NAALADL2: variants seen among roughly 807,000 people sequenced by gnomAD.
NAALADL2 encodes the protein inactive N-acetylated-alpha-linked acidic dipeptidase-like protein 2.
Under a neutral mutation model 87.2 loss-of-function variants are expected in NAALADL2, and 76 were observed. That is an observed-to-expected ratio of 0.87 (90% CI 0.72 to 1.05). NAALADL2 has a LOEUF of 1.05. Ranked by LOEUF, NAALADL2 falls within the 50% of genes least tolerant of loss-of-function variation. The probability of loss-of-function intolerance (pLI) is 0.00; values close to 1 mark genes in which losing one functional copy is unlikely to be tolerated. For missense variants in NAALADL2, 1,089 were observed against 945.8 expected (o/e 1.15, Z -1.99); for synonymous variants, 354 against 331.0 (o/e 1.07, Z -0.75).
intron 11 of NAALADL2, among the ~76,000 whole-genome samples, chr3:175,733,154 C>T (rs182678574): frequency 5.9e-5 from 9 of 152,218 alleles, no homozygotes; most frequent in East Asian, 1.9e-4. Flanking sequence ...ATATTTTTTA[C>T]GACTTGAATT....
chr3:175,163,350 G>T (rs1247248940), intron 2 of NAALADL2, among the ~76,000 whole-genome samples: 1 of 152,002 alleles, frequency 6.6e-6, no homozygotes, highest in African/African-American at 2.4e-5. Flanking sequence ...ATGATGAATG[G>T]AACATGATTA....
At chr3:174,631,606 GGACAA>G (rs1722122552) in intron 2 of NAALADL2, among the ~76,000 whole-genome samples, 1 of 152,106 alleles carries the variant, frequency 6.6e-6, no homozygotes, top group African/African-American at 2.4e-5. Flanking sequence ...TTTTCCAAAT[GGACAA>G]GACAAGAAAT....
At chr3:175,690,537 G>C (rs1222549354) in intron 11 of NAALADL2, among the ~76,000 whole-genome samples, 1 of 151,954 alleles carries the variant, frequency 6.6e-6, no homozygotes, top group Non-Finnish European at 1.5e-5. Context: ...TTATGATAGG[G>C]TCTAAGAGAC....
At chr3:175,371,579 C>G (rs1766508910) in intron 5 of NAALADL2, among the ~76,000 whole-genome samples, 1 of 152,074 alleles carries the variant, frequency 6.6e-6, no homozygotes, top group South Asian at 2.1e-4. Context: ...AATCCCAGCT[C>G]TTTGGGAGGC....
intron 1 of NAALADL2, among the ~76,000 whole-genome samples, chr3:174,470,655 A>G (rs1052193033): frequency 9.2e-5 from 14 of 152,116 alleles, no homozygotes; most frequent in Admixed American, 1.3e-4. Flanking sequence ...GTTTTTGTAT[A>G]TCTTAACTGG....
chr3:174,770,580 C>G (rs1351603940), intron 3 of NAALADL2, among the ~76,000 whole-genome samples: 1 of 152,130 alleles, frequency 6.6e-6, no homozygotes, highest in Non-Finnish European at 1.5e-5. Context: ...GTGGCTCACG[C>G]CTGTAATCCC....
chr3:175,784,450 G>A (rs1227137231), intron 13 of NAALADL2, among the ~76,000 whole-genome samples: 41 of 141,882 alleles, frequency 2.9e-4, no homozygotes, highest in African/African-American at 1.1e-3. Context: ...ATGTGTCGAG[G>A]AATTTATCCA....
At chr3:174,908,931 A>C (rs1483814254) in intron 1 of NAALADL2, among the ~76,000 whole-genome samples, 1 of 152,064 alleles carries the variant, frequency 6.6e-6, no homozygotes, top group Non-Finnish European at 1.5e-5. Context: ...TTGATGATAA[A>C]GGAAAATTTG....
chr3:175,259,271 C>G (rs1750613345), intron 4 of NAALADL2, among the ~76,000 whole-genome samples: 1 of 152,118 alleles, frequency 6.6e-6, no homozygotes, highest in African/African-American at 2.4e-5. Context: ...ACAGACCACA[C>G]CCCTTTCCCC....
chr3:175,668,853 T>G (rs1733557183), intron 11 of NAALADL2, among the ~76,000 whole-genome samples: 1 of 152,178 alleles, frequency 6.6e-6, no homozygotes, highest in Non-Finnish European at 1.5e-5. Context: ...TTTGTGTATT[T>G]GTTTTTCAGA....
intron 9 of NAALADL2, among the ~76,000 whole-genome samples, chr3:175,526,063 A>C (rs1481856416): frequency 6.6e-6 from 1 of 152,214 alleles, no homozygotes; most frequent in African/African-American, 2.4e-5. Flanking sequence ...TACAATTCGC[A>C]ACCAGTATCT....
intron 10 of NAALADL2, among the ~76,000 whole-genome samples, chr3:175,598,685 G>C (rs1322496335): frequency 6.6e-6 from 1 of 152,048 alleles, no homozygotes; most frequent in Non-Finnish European, 1.5e-5. Flanking sequence ...AGCTGCAATA[G>C]CCAATTGCTA....
intron 5 of NAALADL2, among the ~76,000 whole-genome samples, chr3:175,326,476 T>C (rs1052923064): frequency 6.6e-6 from 1 of 152,212 alleles, no homozygotes; most frequent in Non-Finnish European, 1.5e-5. Context: ...CTTTACCCAT[T>C]ATCCACTTCC....
intron 10 of NAALADL2, among the ~76,000 whole-genome samples, chr3:175,615,019 C>T (rs985811006): frequency 2.6e-5 from 4 of 152,122 alleles, no homozygotes; most frequent in African/African-American, 9.7e-5. Flanking sequence ...GCAATCTACT[C>T]TCAATTTATT....
At chr3:175,783,301 T>C (rs1470907552) in intron 13 of NAALADL2, among the ~76,000 whole-genome samples, 1 of 152,144 alleles carries the variant, frequency 6.6e-6, no homozygotes, top group Non-Finnish European at 1.5e-5. Context: ...TTGGGCAGTA[T>C]GGCCATTTTC....
intron 1 of NAALADL2, among the ~76,000 whole-genome samples, chr3:174,996,560 T>C (rs1329718303): frequency 6.6e-6 from 1 of 152,096 alleles, no homozygotes; most frequent in Non-Finnish European, 1.5e-5. Context: ...AGTTGCCTAC[T>C]TGAGCACTGC....
chr3:175,588,501 A>C (rs1046832415), intron 10 of NAALADL2, among the ~76,000 whole-genome samples: 4 of 148,342 alleles, frequency 2.7e-5, no homozygotes, highest in East Asian at 3.9e-4. Flanking sequence ...TTTAAGAAAG[A>C]GCTCAATTTA....
intron 11 of NAALADL2, among the ~76,000 whole-genome samples, chr3:175,684,356 A>G (rs904293180): frequency 6.6e-6 from 1 of 152,206 alleles, no homozygotes; most frequent in Non-Finnish European, 1.5e-5. Context: ...CCTTCACAAT[A>G]CAAGTCTAAT....
intron 10 of NAALADL2, among the ~76,000 whole-genome samples, chr3:175,602,355 T>G (rs1399878888): frequency 6.6e-6 from 1 of 152,090 alleles, no homozygotes; most frequent in Non-Finnish European, 1.5e-5. Flanking sequence ...GTAGGTATTT[T>G]GCCATATTCT....
Sources: gnomAD v4.1 joint callset for allele counts (sites outside exome capture counted in the v4.1 genomes callset) on GRCh38, gnomAD v4.1.1 for gene constraint, MANE v1.5 for transcripts, NCBI Gene and HGNC (gene_info 2026-07-23, HGNC 2026-07-21) for gene names.